The following MGST1 variants were observed in gnomAD, a reference collection of about 807,000 sequenced individuals.
MGST1 encodes glutathione S-transferase 12.
In MGST1, 5 loss-of-function variants were observed where a neutral mutation model predicts 8.9. The ratio of observed to expected loss-of-function variants is 0.56; its 90% CI spans 0.29 to 1.19. MGST1 has a LOEUF of 1.19. MGST1 is among the 50% of genes most tolerant of loss of function. The pLI is 0.08. For missense variants in MGST1, 182 were observed against 187.4 expected, an observed-to-expected ratio of 0.97 and a Z score of 0.17; for synonymous variants, 54 against 67.8, an observed-to-expected ratio of 0.80 and a Z score of 1.00.
chr12:16,590,784 G>T (rs1395433757), downstream of MGST1, among the ~76,000 whole-genome samples: 2 of 151,920 alleles, frequency 1.3e-5, no homozygotes. Flanking sequence ...GACGAATGTA[G>T]ATGCATCACT....
intron 4 of MGST1, among the ~76,000 whole-genome samples, chr12:16,554,860 G>T (rs1261743397): frequency 6.6e-6 from 1 of 151,936 alleles, no homozygotes; most frequent in Non-Finnish European, 1.5e-5. Context: ...GGGTTTCACC[G>T]TGTTAGCCAG....
intron 4 of MGST1, among the ~76,000 whole-genome samples, chr12:16,464,023 C>T (rs1257915034): frequency 3.3e-5 from 5 of 152,144 alleles, no homozygotes; most frequent in African/African-American, 9.7e-5. Context: ...AGGCTGGGTT[C>T]GAATGGCAGT....
intron 4 of MGST1, among the ~76,000 whole-genome samples, chr12:16,451,782 A>T (rs1445003513): frequency 6.6e-6 from 1 of 151,848 alleles, no homozygotes; most frequent in Non-Finnish European, 1.5e-5. Context: ...TTTGGCAGTT[A>T]CCCATTACAC....
chr12:16,533,857 G>C (rs181125488), intron 4 of MGST1, among the ~76,000 whole-genome samples: 2 of 152,252 alleles, frequency 1.3e-5, no homozygotes, highest in Non-Finnish European at 2.9e-5. Context: ...CTTTAGAGAA[G>C]GTACCTGGCA....
intron 4 of MGST1, among the ~76,000 whole-genome samples, chr12:16,575,486 G>A (rs1195348878): frequency 1.3e-5 from 2 of 152,118 alleles, no homozygotes; most frequent in Non-Finnish European, 2.9e-5. Context: ...TAGTGTATAA[G>A]AGCTAATGTT....
At position 16,369,803 on chromosome 12, in the gene MGST1, G is replaced by T. The variant is rs1051797919; in HGVS notation, c.222-6319G>T. 2 of 152,174 alleles carry T rather than the reference G, an allele frequency of 1.3e-5. No homozygotes were observed. Among genetic ancestry groups the T allele is most frequent in the South Asian group, 2.1e-4 (1 of 4,830 alleles). The allele number at this position is 152,174 out of a possible 1,614,324, so 9.4% of individuals were successfully genotyped here. Reference sequence around the variant, plus strand: ...CTGACTGTGCTATCACAGCATAGGAGCAAGACAGGAAATGGAACTGCATAA... The same window carrying T: ...CTGACTGTGCTATCACAGCATAGGATCAAGACAGGAAATGGAACTGCATAA... On this transcript the variant is annotated intron_variant, in intron 3 of 3. Transcript: ENST00000535309. The surrounding 1 kb of genome is among the most constrained non-coding windows in gnomAD (Gnocchi z 4.8).
At position 16,560,961 on chromosome 12, in the gene MGST1, C is replaced by T. The variant is rs935883322; in HGVS notation, n.483-28567C>T. On this transcript the variant is annotated intron_variant and non_coding_transcript_variant, in intron 4 of 4. Transcript: ENST00000538857. This position sits in a 1 kb window ranked among gnomAD's most constrained non-coding sequence, Gnocchi z 5.0. Reference sequence around the variant, plus strand: ...TTCACTACTTTTTGACATTTAGTTACTAAAAGGTTTGCCATTATTATTAAA... The same window carrying T: ...TTCACTACTTTTTGACATTTAGTTATTAAAAGGTTTGCCATTATTATTAAA... Among the ~76,000 whole-genome samples the T allele has an allele frequency of 6.6e-6, 1 of 152,092 alleles. No individual in the cohort carries two copies. Among genetic ancestry groups the T allele is most frequent in the Non-Finnish European group, 1.5e-5 (1 of 68,014 alleles).
chr12:16,484,029 A>T (rs1941382116), intron 4 of MGST1, among the ~76,000 whole-genome samples: 1 of 152,334 alleles, frequency 6.6e-6, no homozygotes, highest in East Asian at 1.9e-4. Context: ...CAAATTAGAG[A>T]CCAATAACAG....
downstream of MGST1, among the ~76,000 whole-genome samples, chr12:16,440,246 T>TAC (rs55778046): frequency 0.061 from 9,032 of 148,830 alleles, 414 homozygotes; most frequent in African/African-American, 0.14. Flanking sequence ...AATGTGTGTG[T>TAC]ACACACACAC....
Position 16,544,416 on chromosome 12 carries a change from C to A in MGST1, n.483-45112C>A, listed in dbSNP as rs976363166. ...AAAAAGCCAAATATGATATATGTGG[C>A]TTGTTTCTTCTATTGAATGTGTATT... On this transcript the variant is annotated intron_variant and non_coding_transcript_variant, in intron 4 of 4. Coordinates refer to the MGST1 transcript ENST00000538857. The surrounding 1 kb of genome is among the most constrained non-coding windows in gnomAD (Gnocchi z 4.8). 4.6e-5 allele frequency among the ~76,000 whole-genome samples: 7 copies of A among 151,914 alleles called. No individual in the cohort carries two copies. Among genetic ancestry groups the A allele is most frequent in the African/African-American group, 7.3e-5 (3 of 41,372 alleles).
chr12:16,425,465 G>A (rs1940877434), intron 1 of MGST1, among the ~76,000 whole-genome samples: 1 of 152,046 alleles, frequency 6.6e-6, no homozygotes, highest in Non-Finnish European at 1.5e-5. Flanking sequence ...TGTATTTTTA[G>A]TAGAGACAGG....
At chr12:16,376,333 A>G in exon 4 of MGST1, 1 of 474,508 alleles carries the variant, frequency 2.1e-6, no homozygotes, top group Non-Finnish European at 3.7e-6. Flanking sequence ...ATCGGAAATT[A>G]GCTATTACTG....
At chr12:16,493,288 TA>T (rs1380534290) in intron 4 of MGST1, among the ~76,000 whole-genome samples, 4 of 152,182 alleles carry the variant, frequency 2.6e-5, no homozygotes, top group Non-Finnish European at 5.9e-5. Flanking sequence ...CAAAATTGCA[TA>T]AGCCTTTTTT....
At chr12:16,468,431 C>A (rs1941269228) in intron 4 of MGST1, among the ~76,000 whole-genome samples, 1 of 152,066 alleles carries the variant, frequency 6.6e-6, no homozygotes, top group Non-Finnish European at 1.5e-5. Context: ...GAAGAATGAG[C>A]AAAAGAACAG....
At chr12:16,429,377 G>A (rs950874757) in intron 1 of MGST1, among the ~76,000 whole-genome samples, 5 of 151,822 alleles carry the variant, frequency 3.3e-5, no homozygotes, top group Admixed American at 2.0e-4. Context: ...GTCTTAACTG[G>A]CATTCTCCTT....
At chr12:16,564,933 A>C (rs1340575306) in intron 4 of MGST1, among the ~76,000 whole-genome samples, 2 of 152,108 alleles carry the variant, frequency 1.3e-5, no homozygotes, top group African/African-American at 4.8e-5. Flanking sequence ...CCACAAGTGC[A>C]TATCAACAGA....
intron 1 of MGST1, among the ~76,000 whole-genome samples, chr12:16,396,455 G>C (rs1272785740): frequency 2.0e-5 from 3 of 152,112 alleles, no homozygotes; most frequent in African/African-American, 7.2e-5. Context: ...ACAAGAGAAA[G>C]AAATAAAGGG....
chr12:16,465,918 C>G (rs1941251315), intron 4 of MGST1, among the ~76,000 whole-genome samples: 1 of 152,124 alleles, frequency 6.6e-6, no homozygotes, highest in Admixed American at 6.5e-5. Context: ...TACATCTTCC[C>G]ACACCCCTTC....
At chr12:16,430,832 C>G (rs937508778) in intron 1 of MGST1, among the ~76,000 whole-genome samples, 1 of 152,114 alleles carries the variant, frequency 6.6e-6, no homozygotes, top group Admixed American at 6.6e-5. Flanking sequence ...AACAAGACAG[C>G]GAGCCCGTCC....
Sources: allele counts gnomAD v4.1 joint callset (sites outside exome capture counted in the v4.1 genomes callset), GRCh38; gene constraint gnomAD v4.1.1; non-coding constraint Gnocchi (gnomAD v3.1); transcripts MANE v1.5; gene names NCBI Gene and HGNC (gene_info 2026-07-23, HGNC 2026-07-21).